The following FRMD6 variants were observed in gnomAD, a reference collection of about 807,000 sequenced individuals.
FRMD6 encodes FERM domain-containing protein 6.
In FRMD6, 37 loss-of-function variants were observed where a neutral mutation model predicts 73.2. The ratio of observed to expected loss-of-function variants is 0.51; its 90% CI spans 0.39 to 0.66. FRMD6 has a LOEUF of 0.66. Ranked by LOEUF, FRMD6 falls within the 30% of genes least tolerant of loss-of-function variation. The pLI, the probability that FRMD6 is intolerant of heterozygous loss-of-function variation, is 0.00. For synonymous variants in FRMD6, 273 were observed against 282.2 expected, an observed-to-expected ratio of 0.97 and a Z score of 0.33; for missense variants, 714 against 780.5, an observed-to-expected ratio of 0.91 and a Z score of 1.02.
intron 2 of FRMD6, among the ~76,000 whole-genome samples, chr14:51,570,936 A>C (rs1888102443): frequency 1.3e-5 from 2 of 152,274 alleles, no homozygotes; most frequent in Admixed American, 1.3e-4. Context: ...GACTCCGTCA[A>C]AACGATGTGT....
intron 1 of FRMD6, among the ~76,000 whole-genome samples, chr14:51,535,068 T>C (rs1885802931): frequency 6.6e-6 from 1 of 152,220 alleles, no homozygotes; most frequent in Non-Finnish European, 1.5e-5. Context: ...TCTCTTCTAA[T>C]GCTCAGGGAG....
intron 1 of FRMD6, among the ~76,000 whole-genome samples, chr14:51,665,535 A>C (rs1893522828): frequency 6.6e-6 from 1 of 152,188 alleles, no homozygotes. Context: ...TCCGAGCTGC[A>C]TGTTGCTCAT....
At chr14:51,461,628 A>G in the FRMD6 span, among the ~76,000 whole-genome samples, 2 of 152,238 alleles carry the variant, frequency 1.3e-5, no homozygotes, top group African/African-American at 4.8e-5. Flanking sequence ...CTTAGCTCAG[A>G]GAAAGGCCTC....
At chr14:51,673,059 A>G (rs1236984434) in intron 1 of FRMD6, among the ~76,000 whole-genome samples, 2 of 152,112 alleles carry the variant, frequency 1.3e-5, no homozygotes, top group Admixed American at 6.5e-5. Context: ...TTAACCTTCT[A>G]TAGAGTTGGT....
At chr14:51,503,417 AT>A (rs1289259067) in intron 1 of FRMD6, among the ~76,000 whole-genome samples, 1 of 152,168 alleles carries the variant, frequency 6.6e-6, no homozygotes, top group African/African-American at 2.4e-5. Flanking sequence ...GGGATGTTGA[AT>A]TTTATCAAAT....
chr14:51,549,814 C>T (rs1393584819), intron 1 of FRMD6, among the ~76,000 whole-genome samples: 1 of 151,972 alleles, frequency 6.6e-6, no homozygotes, highest in Non-Finnish European at 1.5e-5. Flanking sequence ...CCAGGATGAT[C>T]TCGATCTCCT....
intron 1 of FRMD6, among the ~76,000 whole-genome samples, chr14:51,502,238 A>G (rs1027180958): frequency 6.6e-6 from 1 of 152,162 alleles, no homozygotes; most frequent in Non-Finnish European, 1.5e-5. Flanking sequence ...TGCGGTTGCA[A>G]TTGCTTTTGG....
chr14:51,727,076 C>T (rs550874557), intron 13 of FRMD6, among the ~76,000 whole-genome samples: 83 of 151,994 alleles, frequency 5.5e-4, no homozygotes, highest in Non-Finnish European at 4.3e-4. Context: ...GGAACCCCCC[C>T]ACCCCCGACT....
chr14:51,720,616 G>C (rs1217840759), intron 11 of FRMD6: 3 of 558,454 alleles, frequency 5.4e-6, no homozygotes, highest in Non-Finnish European at 9.7e-6. Context: ...GATGGTTGTA[G>C]ACTCAGTCTT....
chr14:51,435,303 T>C, the FRMD6 span, among the ~76,000 whole-genome samples: 1 of 151,966 alleles, frequency 6.6e-6, no homozygotes, highest in South Asian at 2.1e-4. Context: ...AGGCTGGGCA[T>C]AGTGGCTCAT....
intron 1 of FRMD6, among the ~76,000 whole-genome samples, chr14:51,659,904 A>T (rs112272871): frequency 0.012 from 1,796 of 152,334 alleles, 38 homozygotes; most frequent in African/African-American, 0.041. Flanking sequence ...TTGAGATTTT[A>T]AACCATTCAT....
intron 1 of FRMD6, among the ~76,000 whole-genome samples, chr14:51,532,262 G>A (rs904566244): frequency 5.9e-5 from 9 of 151,600 alleles, no homozygotes; most frequent in Non-Finnish European, 7.4e-5. Flanking sequence ...CCAGCTACTC[G>A]GGAGGATGAG....
chr14:51,679,857 G>A (rs900597386), intron 1 of FRMD6, among the ~76,000 whole-genome samples: 3 of 152,286 alleles, frequency 2.0e-5, no homozygotes, highest in African/African-American at 7.2e-5. Flanking sequence ...TGTAAGACAA[G>A]TGATAATTTC....
chr14:51,536,637 G>A (rs1269393253), intron 1 of FRMD6, among the ~76,000 whole-genome samples: 4 of 151,700 alleles, frequency 2.6e-5, no homozygotes, highest in South Asian at 2.1e-4. Flanking sequence ...GGCTGGTCTC[G>A]AACTCCTGAC....
chr14:51,721,753 A>AGGAAGGAAGGAAGGAAGGAAGGAG lies in FRMD6; in HGVS notation c.1361-189_1361-188insAGGAAGGAAGGAAGGAGGGAAGGA, dbSNP rs1566598530. Among the ~76,000 whole-genome samples, 245 of 108,702 alleles carry AGGAAGGAAGGAAGGAAGGAAGGAG rather than the reference A, an allele frequency of 2.3e-3. 1 individual carries two copies. The highest frequency in any genetic ancestry group is 7.8e-3 in the Middle Eastern group (2 of 258). The allele number at this position is 108,702 out of a possible 152,430, so 71.3% of individuals were successfully genotyped here. On this transcript the variant is annotated intron_variant, in intron 11 of 13. Transcript: ENST00000344768. ...AAGGGAGGGAGGAAGGAAGGGAGGA[A>AGGAAGGAAGGAAGGAAGGAAGGAG]GGAAGGAGGGAAGGAGGGAAGGAGT...
At chr14:51,711,177 AAATC>A (rs149957914) in intron 7 of FRMD6, among the ~76,000 whole-genome samples, 42,858 of 151,816 alleles carry the variant, frequency 0.28, 6,402 homozygotes, top group African/African-American at 0.38. Context: ...AAGGTCAAAA[AAATC>A]AAACAATGCA....
intron 1 of FRMD6, among the ~76,000 whole-genome samples, chr14:51,523,169 C>T (rs1312410180): frequency 6.6e-6 from 1 of 152,124 alleles, no homozygotes; most frequent in East Asian, 1.9e-4. Flanking sequence ...TTTATACAAG[C>T]TGACTATTTG....
intron 2 of FRMD6, among the ~76,000 whole-genome samples, chr14:51,690,901 A>G (rs1895519246): frequency 6.6e-6 from 1 of 152,202 alleles, no homozygotes; most frequent in Non-Finnish European, 1.5e-5. Flanking sequence ...ACTGCAAAGT[A>G]TAGAAACCTT....
chr14:51,645,349 C>T (rs1360014431), intron 2 of FRMD6, among the ~76,000 whole-genome samples: 6 of 152,206 alleles, frequency 3.9e-5, no homozygotes, highest in Non-Finnish European at 8.8e-5. Context: ...CCACCATGGA[C>T]AGGTAGGGTG....
Sources: gnomAD v4.1 joint callset for allele counts (sites outside exome capture counted in the v4.1 genomes callset) on GRCh38, gnomAD v4.1.1 for gene constraint, MANE v1.5 for transcripts, NCBI Gene and HGNC (gene_info 2026-07-23, HGNC 2026-07-21) for gene names.